Variants in FANK1 observed in about 807,000 individuals in gnomAD.
FANK1 encodes fibronectin type III and ankyrin repeat domains 1.
A neutral mutation model predicts 45.3 loss-of-function variants in FANK1; 44 were observed. The ratio of observed to expected loss-of-function variants is 0.97; its 90% confidence interval spans 0.76 to 1.25. FANK1 has a LOEUF of 1.25. Among genes scored for constraint, FANK1 ranks in the 50% most tolerant of loss-of-function variants. The pLI is 0.00. For synonymous variants in FANK1, 149 were observed against 152.5 expected, an observed-to-expected ratio of 0.98 and a Z score of 0.17; for missense variants, 391 against 424.4, an observed-to-expected ratio of 0.92 and a Z score of 0.69.
chr10:125,915,774 C>T (rs1946399879), intron 1 of FANK1, among the ~76,000 whole-genome samples: 1 of 152,222 alleles, frequency 6.6e-6, no homozygotes, highest in East Asian at 1.9e-4. Flanking sequence ...GGATCATACC[C>T]TTGCATTCCA....
At chr10:126,002,352 T>TA (rs1952831935) in intron 6 of FANK1, among the ~76,000 whole-genome samples, 1 of 152,164 alleles carries the variant, frequency 6.6e-6, no homozygotes, top group Admixed American at 6.5e-5. Context: ...ATTAGAGTTC[T>TA]GTTTGAATAT....
chr10:126,001,511 C>T (rs1378020848), intron 6 of FANK1, among the ~76,000 whole-genome samples: 2 of 152,168 alleles, frequency 1.3e-5, no homozygotes, highest in Non-Finnish European at 2.9e-5. Flanking sequence ...TTCTGGTGGG[C>T]TTGTACTAGG....
intron 1 of FANK1, among the ~76,000 whole-genome samples, chr10:125,939,315 A>AT (rs1456223281): frequency 6.6e-6 from 1 of 152,234 alleles, no homozygotes; most frequent in Non-Finnish European, 1.5e-5. Flanking sequence ...ATTGGGAGAA[A>AT]TTTGAATATG....
intron 1 of FANK1, among the ~76,000 whole-genome samples, chr10:125,899,441 C>A (rs78683620): frequency 3.9e-3 from 490 of 124,278 alleles, no homozygotes; most frequent in East Asian, 4.9e-3. Context: ...GAACGCCTGG[C>A]CTCAAGTGAT....
intron 1 of FANK1, among the ~76,000 whole-genome samples, chr10:125,952,069 C>CA (rs1949270188): frequency 6.6e-6 from 1 of 152,112 alleles, no homozygotes; most frequent in South Asian, 2.1e-4. Flanking sequence ...CAAGATGTGT[C>CA]AGATAAGTTC....
At chr10:125,963,537 T>A (rs990916383) in intron 1 of FANK1, among the ~76,000 whole-genome samples, 1 of 152,174 alleles carries the variant, frequency 6.6e-6, no homozygotes, top group Admixed American at 6.5e-5. Flanking sequence ...ATGTGGCACA[T>A]ATACACCATG....
chr10:125,950,843 C>G (rs1949162394), intron 1 of FANK1, among the ~76,000 whole-genome samples: 1 of 147,594 alleles, frequency 6.8e-6, no homozygotes, highest in African/African-American at 2.5e-5. Context: ...GGAACCAACC[C>G]AAATGTCCAA....
At chr10:125,902,321 G>A (rs1945109435) in intron 1 of FANK1, among the ~76,000 whole-genome samples, 1 of 152,202 alleles carries the variant, frequency 6.6e-6, no homozygotes, top group Non-Finnish European at 1.5e-5. Flanking sequence ...GAAGAGGTCA[G>A]GGGACCTGTC....
intron 1 of FANK1, among the ~76,000 whole-genome samples, chr10:125,961,159 T>A (rs752794074): frequency 8.5e-5 from 13 of 152,136 alleles, no homozygotes; most frequent in Admixed American, 3.9e-4. Context: ...CAGGCTGGAG[T>A]GCAATGGCAT....
intron 10 of FANK1, 32 bp downstream of exon 10, chr10:126,009,298 A>AT (rs745421137): frequency 4.3e-6 from 7 of 1,614,134 alleles, no homozygotes; most frequent in Non-Finnish European, 5.9e-6. Flanking sequence ...ATCAAGGCTA[A>AT]TTTTTAGTCC....
intron 2 of FANK1, among the ~76,000 whole-genome samples, chr10:125,986,872 G>T (rs780243084): frequency 1.2e-4 from 18 of 152,050 alleles, no homozygotes; most frequent in Non-Finnish European, 2.4e-4. Flanking sequence ...TCTCCTTTGG[G>T]GATACTCCTC....
rs768356108 is a variant in FANK1 at position 126,009,399 on chromosome 10, G to GA, written c.1007dup (p.Gln337AlafsTer27). Reference sequence around the variant, plus strand: ...GTGTAGTCTCCTTATTAGAAGAAAGGAAAAAAAAGCAGAGGCCAAAGAAGT... The same window carrying GA: ...GTGTAGTCTCCTTATTAGAAGAAAGGAAAAAAAAAGCAGAGGCCAAAGAAGT... On this transcript the variant is annotated frameshift_variant, in exon 11 of 11. Transcript: ENST00000368693. LOFTEE classifies it high-confidence loss of function. The GA allele has an allele frequency of 5.8e-5, 93 of 1,612,988 alleles. No homozygotes were observed. In the East Asian group the frequency reaches 1.3e-3, roughly 23 times the overall value.
Position 126,009,392 on chromosome 10 carries a change from A to G in FANK1, c.992A>G (p.Glu331Gly), listed in dbSNP as rs1203595370. ...ATCTAGAGTGTAGTCTCCTTATTAG[A>G]AGAAAGGAAAAAAAAGCAGAGGCCA... ...FDRQSVVSLL[E>G]ERKKKQRPKK... The change falls in exon 11 of 11, where the codon GAA becomes GGA. Residue 331 changes from glutamate to glycine, a missense_variant. Glu to Gly is a moderately conservative substitution (Grantham distance 98). Transcript: ENST00000368693. 1 of 1,614,034 alleles carries G rather than the reference A, an allele frequency of 6.2e-7. No homozygotes were observed. Among genetic ancestry groups the G allele is most frequent in the East Asian group, 2.2e-5 (1 of 44,862 alleles).
At chr10:125,949,636 C>T (rs961100934) in intron 1 of FANK1, among the ~76,000 whole-genome samples, 36 of 134,784 alleles carry the variant, frequency 2.7e-4, no homozygotes, top group Admixed American at 6.6e-4. Context: ...AATGGAAGAA[C>T]ATTCCACGCT....
intron 3 of FANK1, among the ~76,000 whole-genome samples, chr10:125,990,357 GC>G (rs1264051091): frequency 6.6e-6 from 1 of 152,134 alleles, no homozygotes; most frequent in East Asian, 1.9e-4. Flanking sequence ...TGGCACCACT[GC>G]ACTCTCCAGC....
intron 1 of FANK1, among the ~76,000 whole-genome samples, chr10:125,911,407 A>G (rs940420573): frequency 6.6e-6 from 1 of 152,224 alleles, no homozygotes; most frequent in African/African-American, 2.4e-5. Flanking sequence ...TCATAATAAG[A>G]TAAGTTTCTG....
Position 125,980,220 on chromosome 10 carries a change from A to ATT in FANK1, c.74_75dup (p.Glu26LeufsTer61), listed in dbSNP as rs1265497548. 2 of 1,614,148 alleles carry ATT rather than the reference A, an allele frequency of 1.2e-6. No homozygotes were observed. Among genetic ancestry groups the ATT allele is most frequent in the East Asian group, 4.5e-5 (2 of 44,874 alleles). On this transcript the variant is annotated frameshift_variant, in exon 2 of 11. Coordinates refer to ENST00000368693, the MANE Select transcript of FANK1 (RefSeq NM_145235.5). LOFTEE classifies it high-confidence loss of function. ...CGTGGGCAAAGTGACTCATCACAGC[A>ATT]TTGAATTATACTGGGATCTGGAAAA... is the stretch of plus-strand genomic sequence containing the variant.
At chr10:125,907,117 T>C (rs1320232931) in intron 1 of FANK1, among the ~76,000 whole-genome samples, 1 of 152,248 alleles carries the variant, frequency 6.6e-6, no homozygotes, top group African/African-American at 2.4e-5. Context: ...GTGATGCTTA[T>C]AGAATGTTTT....
intron 1 of FANK1, among the ~76,000 whole-genome samples, chr10:125,919,195 A>ATTTTTTTTT (rs142716284): frequency 0.014 from 713 of 51,878 alleles, 111 homozygotes; most frequent in Middle Eastern, 0.037. Flanking sequence ...GGAGGTAAGA[A>ATTTTTTTTT]TTTTTTTTTT....
Sources: gnomAD v4.1 joint callset for allele counts (sites outside exome capture counted in the v4.1 genomes callset) on GRCh38, gnomAD v4.1.1 for gene constraint, MANE v1.5 for transcripts, NCBI Gene and HGNC (gene_info 2026-07-23, HGNC 2026-07-21) for gene names.